Variants in SORCS1 observed in about 807,000 individuals in gnomAD.
SORCS1 encodes the protein VPS10 domain-containing receptor SorCS1.
In SORCS1, 60 loss-of-function variants were observed where a neutral mutation model predicts 146.1. That is an observed-to-expected ratio of 0.41 (90% CI 0.33 to 0.51). The LOEUF (loss-of-function observed/expected upper bound fraction) is 0.51. Ranked by LOEUF, SORCS1 falls within the 20% of genes least tolerant of loss-of-function variation. SORCS1 has a pLI of 0.21. For missense variants in SORCS1, 1,352 were observed against 1,487.6 expected (o/e 0.91, Z 1.50); for synonymous variants, 637 against 584.0 (o/e 1.09, Z -1.31).
intron 3 of SORCS1, among the ~76,000 whole-genome samples, chr10:106,784,988 G>A (rs899481198): frequency 6.6e-6 from 1 of 152,166 alleles, no homozygotes; most frequent in East Asian, 1.9e-4. Flanking sequence ...CTAAAAATCA[G>A]TGAACAGAAT....
intron 1 of SORCS1, among the ~76,000 whole-genome samples, chr10:107,153,519 T>C (rs1379462058): frequency 1.3e-5 from 2 of 152,176 alleles, no homozygotes; most frequent in South Asian, 2.1e-4. Context: ...CTACCATGGA[T>C]CATTCTCTCT....
chr10:107,120,512 G>T (rs1966336825), intron 1 of SORCS1, among the ~76,000 whole-genome samples: 1 of 152,176 alleles, frequency 6.6e-6, no homozygotes, highest in Admixed American at 6.5e-5. Context: ...GCAAATCACA[G>T]CAGTGATACT....
chr10:106,777,418 A>G (rs1192967215), intron 3 of SORCS1, among the ~76,000 whole-genome samples: 1 of 152,220 alleles, frequency 6.6e-6, no homozygotes, highest in Non-Finnish European at 1.5e-5. Context: ...TCCAGTATGC[A>G]TGGTACACTG....
At position 107,026,284 on chromosome 10, in the gene SORCS1, C is replaced by T. The variant is rs544869222; in HGVS notation, c.559-69704G>A. Among the ~76,000 whole-genome samples, 92 of 152,224 alleles carry T rather than the reference C, an allele frequency of 6.0e-4. 2 individuals carry two copies. The South Asian group carries it at 0.018, about 30-fold the overall frequency. ...GGAATAAATTTATTTGAAAGAGATG[C>T]CCTGATTAAAGCTTGTAGTAGAGGC... On this transcript the variant is annotated intron_variant, in intron 1 of 25. Coordinates refer to ENST00000263054, the MANE Select transcript of SORCS1 (RefSeq NM_052918.5).
intron 2 of SORCS1, among the ~76,000 whole-genome samples, chr10:106,912,192 T>C (rs1952200279): frequency 6.6e-6 from 1 of 151,988 alleles, no homozygotes; most frequent in African/African-American, 2.4e-5. Context: ...TTAGGTTAAC[T>C]GTGGCCAGAC....
intron 2 of SORCS1, among the ~76,000 whole-genome samples, chr10:106,837,646 A>C (rs1240936649): frequency 1.3e-5 from 2 of 150,804 alleles, no homozygotes; most frequent in Non-Finnish European, 2.9e-5. Flanking sequence ...TCAGTACTCC[A>C]CAGAATTTCA....
intron 3 of SORCS1, among the ~76,000 whole-genome samples, chr10:106,781,155 C>T (rs899283503): frequency 1.3e-5 from 2 of 152,048 alleles, no homozygotes; most frequent in Non-Finnish European, 2.9e-5. Flanking sequence ...GGCCTTCTTC[C>T]CAGAGGAATG....
At chr10:106,911,073 T>C (rs940631329) in intron 2 of SORCS1, among the ~76,000 whole-genome samples, 3 of 152,238 alleles carry the variant, frequency 2.0e-5, no homozygotes, top group Non-Finnish European at 2.9e-5. Context: ...TCCAGGTGCT[T>C]CATTTGGACC....
chr10:106,729,447 T>C (rs1856441316), intron 6 of SORCS1, among the ~76,000 whole-genome samples: 1 of 151,852 alleles, frequency 6.6e-6, no homozygotes, highest in African/African-American at 2.4e-5. Flanking sequence ...CTCTCTCTTT[T>C]TTTTTTTTTA....
chr10:106,618,847 A>G (rs1270416205), intron 20 of SORCS1, among the ~76,000 whole-genome samples: 13 of 152,142 alleles, frequency 8.5e-5, no homozygotes, highest in Non-Finnish European at 1.5e-5. Flanking sequence ...TGCTGTGGAA[A>G]CAAGCACTAA....
intron 1 of SORCS1, among the ~76,000 whole-genome samples, chr10:107,080,926 C>T (rs988848944): frequency 6.6e-6 from 1 of 152,084 alleles, no homozygotes. Context: ...ATGATTATAG[C>T]TAATATATTT....
chr10:107,004,563 C>A (rs1957362536), intron 1 of SORCS1, among the ~76,000 whole-genome samples: 1 of 152,106 alleles, frequency 6.6e-6, no homozygotes, highest in Admixed American at 6.6e-5. Context: ...GAGGAAATGA[C>A]CCCCATGAGT....
In SORCS1 at chr10:107,132,699, G is replaced by C. The variant is rs7911441; in HGVS notation, c.558+31270C>G. On this transcript the variant is annotated intron_variant, in intron 1 of 25. Coordinates refer to ENST00000263054, the MANE Select transcript of SORCS1 (RefSeq NM_052918.5). The stretch of plus-strand genomic sequence containing the variant: ...ACACTATTTTAAGCAGCACTTCCGT[G>C]CCTAGTTCCATTCAAACAATCGATG... 4.4e-3 allele frequency among the ~76,000 whole-genome samples: 665 copies of C among 152,258 alleles called. 3 individuals are homozygous for C. Among genetic ancestry groups the C allele is most frequent in the African/African-American group, 0.015 (612 of 41,560 alleles).
intron 1 of SORCS1, among the ~76,000 whole-genome samples, chr10:107,055,287 C>T (rs1960501054): frequency 6.6e-6 from 1 of 152,140 alleles, no homozygotes; most frequent in Admixed American, 6.5e-5. Flanking sequence ...AGTAATCTCT[C>T]ATGTTAAGCC....
chr10:107,039,522 G>C (rs1218683467), intron 1 of SORCS1, among the ~76,000 whole-genome samples: 4 of 152,052 alleles, frequency 2.6e-5, no homozygotes, highest in African/African-American at 9.7e-5. Flanking sequence ...ATTCTTTCCT[G>C]CTTCTCAGAA....
intron 2 of SORCS1, among the ~76,000 whole-genome samples, chr10:106,842,232 TTTTA>T (rs1174474187): frequency 6.6e-6 from 1 of 152,186 alleles, no homozygotes; most frequent in East Asian, 1.9e-4. Flanking sequence ...TATTTTATTA[TTTTA>T]TTTATTTTTG....
intron 2 of SORCS1, among the ~76,000 whole-genome samples, chr10:106,887,469 CAGGAGGCTGAG>C (rs1287371458): frequency 3.3e-5 from 5 of 152,074 alleles, no homozygotes; most frequent in Non-Finnish European, 7.4e-5. Context: ...AATATAACCT[CAGGAGGCTGAG>C]GCAGGAGAAT....
At chr10:106,756,323 C>A (rs140523153) in intron 5 of SORCS1, among the ~76,000 whole-genome samples, 255 of 152,226 alleles carry the variant, frequency 1.7e-3, no homozygotes, top group African/African-American at 5.7e-3. Context: ...AGGCATGTAA[C>A]CAACTCACAA....
At chr10:106,935,754 G>C (rs938530088) in intron 2 of SORCS1, among the ~76,000 whole-genome samples, 3 of 152,170 alleles carry the variant, frequency 2.0e-5, no homozygotes, top group African/African-American at 7.2e-5. Context: ...GCTAAGTTTA[G>C]AACACAGGAC....
Sources: allele counts gnomAD v4.1 joint callset (sites outside exome capture counted in the v4.1 genomes callset), GRCh38; gene constraint gnomAD v4.1.1; transcripts MANE v1.5; gene names NCBI Gene and HGNC (gene_info 2026-07-23, HGNC 2026-07-21).